Variants in DAB1 observed in about 807,000 individuals in gnomAD.
DAB1 encodes the protein disabled homolog 1.
Under a neutral mutation model 64.6 loss-of-function variants are expected in DAB1, and 15 were observed. The ratio of observed to expected loss-of-function variants is 0.23; its 90% CI spans 0.16 to 0.36. The LOEUF is 0.36. DAB1 is among the 10% of genes least tolerant of loss of function. DAB1 has a pLI of 1.00. For synonymous variants in DAB1, 235 were observed against 251.9 expected, an observed-to-expected ratio of 0.93 and a Z score of 0.64; for missense variants, 596 against 706.7, an observed-to-expected ratio of 0.84 and a Z score of 1.78.
In DAB1 at chr1:57,660,400, C is replaced by G. The variant is rs538261659; in HGVS notation, n.552-10735G>C. ...GCCGGCCTCTTCTTGGGGCCCCAGG[C>G]ACAGGTTGCTCTCAGCCACCACTAG... On this transcript the variant is annotated intron_variant and non_coding_transcript_variant, in intron 6 of 20. Transcript: ENST00000485760. Among the ~76,000 whole-genome samples the G allele has an allele frequency of 9.8e-5, 15 of 152,290 alleles. No individual in the cohort carries two copies. The East Asian group carries it at 2.9e-3, about 29-fold the overall frequency.
At chr1:57,740,081 G>T (rs537404707) in intron 6 of DAB1, among the ~76,000 whole-genome samples, 2 of 145,402 alleles carry the variant, frequency 1.4e-5, no homozygotes, top group East Asian at 2.0e-4. Flanking sequence ...AGGCGTGGTC[G>T]CATGCACTTG....
At chr1:58,494,938 T>A (rs942571686) in intron 3 of DAB1, among the ~76,000 whole-genome samples, 4 of 152,206 alleles carry the variant, frequency 2.6e-5, no homozygotes, top group Admixed American at 6.5e-5. Flanking sequence ...TAAAGGATTA[T>A]AAATCATGCT....
At chr1:57,645,066 A>G (rs2101647617) in intron 7 of DAB1, among the ~76,000 whole-genome samples, 1 of 152,260 alleles carries the variant, frequency 6.6e-6, no homozygotes, top group South Asian at 2.1e-4. Context: ...ATGCTGCTTC[A>G]TGCTGCCAAG....
chr1:58,531,405 T>C (rs17447078), intron 1 of DAB1, among the ~76,000 whole-genome samples: 16,371 of 152,228 alleles, frequency 0.11, 1,003 homozygotes, highest in African/African-American at 0.16. Flanking sequence ...TATTTACTTA[T>C]ATCAGTTACC....
chr1:58,521,945 G>A (rs568300771), intron 2 of DAB1, among the ~76,000 whole-genome samples: 163 of 152,212 alleles, frequency 1.1e-3, no homozygotes, highest in African/African-American at 3.9e-3. Context: ...AAACCTGACA[G>A]GACATTACAA....
At chr1:58,456,813 T>C (rs1348501870) in intron 3 of DAB1, among the ~76,000 whole-genome samples, 3 of 152,200 alleles carry the variant, frequency 2.0e-5, no homozygotes, top group African/African-American at 4.8e-5. Flanking sequence ...GACCTTACTA[T>C]AGACAAGTCA....
At chr1:58,222,892 C>A (rs546765812) in intron 4 of DAB1, among the ~76,000 whole-genome samples, 3 of 152,290 alleles carry the variant, frequency 2.0e-5, no homozygotes, top group South Asian at 2.1e-4. Flanking sequence ...CATTTTACAG[C>A]TGAGGACACT....
chr1:57,610,493 G>T (rs1645712729), intron 7 of DAB1, among the ~76,000 whole-genome samples: 1 of 152,164 alleles, frequency 6.6e-6, no homozygotes, highest in Admixed American at 6.5e-5. Flanking sequence ...CCAGCAGTCT[G>T]GTTCCAGAAC....
At chr1:58,495,307 A>G (rs1397585931) in intron 3 of DAB1, among the ~76,000 whole-genome samples, 1 of 152,142 alleles carries the variant, frequency 6.6e-6, no homozygotes, top group Non-Finnish European at 1.5e-5. Flanking sequence ...ATTAGGAGAT[A>G]TACCTAATGT....
intron 6 of DAB1, among the ~76,000 whole-genome samples, chr1:57,652,829 G>A (rs1257453712): frequency 3.9e-5 from 6 of 152,012 alleles, no homozygotes; most frequent in Non-Finnish European, 1.5e-5. Context: ...CACTTAATGA[G>A]TGTCTGAGCC....
intron 3 of DAB1, among the ~76,000 whole-genome samples, chr1:58,435,390 T>C (rs1160770220): frequency 2.6e-5 from 4 of 152,222 alleles, no homozygotes; most frequent in African/African-American, 9.7e-5. Context: ...GACCTTGTTT[T>C]TCCCCCATGG....
At chr1:57,985,841 T>C (rs1476598275) in intron 5 of DAB1, among the ~76,000 whole-genome samples, 2 of 152,144 alleles carry the variant, frequency 1.3e-5, no homozygotes, top group African/African-American at 2.4e-5. Context: ...TCAGGGACTC[T>C]CAGTGTACTC....
chr1:57,917,402 A>G (rs934910730), intron 5 of DAB1, among the ~76,000 whole-genome samples: 1 of 152,180 alleles, frequency 6.6e-6, no homozygotes, highest in Non-Finnish European at 1.5e-5. Flanking sequence ...TAGGTTCCTC[A>G]CCTGTAAAGT....
At chr1:58,534,185 G>A (rs1242382845) in intron 1 of DAB1, 1 of 871,332 alleles carries the variant, frequency 1.1e-6, no homozygotes, top group South Asian at 1.3e-5. Flanking sequence ...TAATAATTGG[G>A]GAATCAACCA....
At chr1:57,676,429 T>A (rs1353676563) in intron 6 of DAB1, among the ~76,000 whole-genome samples, 4 of 152,194 alleles carry the variant, frequency 2.6e-5, no homozygotes, top group African/African-American at 9.6e-5. Context: ...AAATTAAACA[T>A]ATGAAACAGA....
rs1186120212 is a variant in DAB1, at chr1:57,693,334, A to G, written n.552-43669T>C. On this transcript the variant is annotated intron_variant and non_coding_transcript_variant, in intron 6 of 20. Coordinates refer to the DAB1 transcript ENST00000485760. ...ACTGGGTCAAGTGGGGATTTAGAGAACTTTTCTCTCTAGCTAGAGTATTGT... is the reference window on the plus strand; with the variant it reads ...ACTGGGTCAAGTGGGGATTTAGAGAGCTTTTCTCTCTAGCTAGAGTATTGT... Among the ~76,000 whole-genome samples, 3 of 152,088 alleles carry G rather than the reference A, an allele frequency of 2.0e-5. No individual in the cohort carries two copies. In the East Asian group the frequency reaches 5.8e-4, roughly 29 times the overall value.
intron 2 of DAB1, among the ~76,000 whole-genome samples, chr1:57,264,270 C>G (rs1192380797): frequency 6.6e-6 from 1 of 152,162 alleles, no homozygotes; most frequent in African/African-American, 2.4e-5. Flanking sequence ...CATTTAGACT[C>G]CTCAATGAAC....
intron 3 of DAB1, among the ~76,000 whole-genome samples, chr1:58,484,242 T>C (rs993577464): frequency 6.6e-6 from 1 of 152,226 alleles, no homozygotes; most frequent in African/African-American, 2.4e-5. Flanking sequence ...TTGTGTCTAT[T>C]TGGCTTTTAT....
rs1233696701 is a variant in DAB1, at chr1:58,274,265, G to A, written n.309+69087C>T. Reference sequence around the variant, plus strand: ...TGCAGGTCTGTTGGAATACCCTGCCGTGTGAGGTGTCAGTGTGCCCCTGCT... The same window carrying A: ...TGCAGGTCTGTTGGAATACCCTGCCATGTGAGGTGTCAGTGTGCCCCTGCT... On this transcript the variant is annotated intron_variant and non_coding_transcript_variant, in intron 4 of 20. Coordinates refer to the DAB1 transcript ENST00000485760. 3.9e-4 allele frequency among the ~76,000 whole-genome samples: 47 copies of A among 121,410 alleles called. 1 individual carries two copies. In the Middle Eastern group the frequency reaches 0.011, roughly 29 times the overall value. The allele number at this position is 121,410 out of a possible 152,430, so 79.6% of individuals were successfully genotyped here.
Sources: allele counts gnomAD v4.1 joint callset (sites outside exome capture counted in the v4.1 genomes callset), GRCh38; gene constraint gnomAD v4.1.1; transcripts MANE v1.5; gene names NCBI Gene and HGNC (gene_info 2026-07-23, HGNC 2026-07-21).